DYNC2I2: variants seen among roughly 807,000 people sequenced by gnomAD.
DYNC2I2 encodes the protein cytoplasmic dynein 2 intermediate chain 2.
In DYNC2I2, 39 loss-of-function variants were observed where a neutral mutation model predicts 52.0. The observed-to-expected ratio is 0.75, with a 90% confidence interval of 0.58 to 0.98. The LOEUF (loss-of-function observed/expected upper bound fraction) is 0.98. Ranked by LOEUF, DYNC2I2 falls within the 50% of genes least tolerant of loss-of-function variation. DYNC2I2 has a pLI of 0.00. For missense variants in DYNC2I2, 743 were observed against 728.4 expected (o/e 1.02, Z -0.23); for synonymous variants, 359 against 321.1 (o/e 1.12, Z -1.26).
Position 128,635,256 on chromosome 9 carries a change from C to T in DYNC2I2, c.817G>A (p.Val273Met). The change falls in exon 6 of 9, where the codon GTG becomes ATG. Residue 273 changes from valine to methionine, a missense_variant. By Grantham distance (21) the Val-to-Met change is conservative. Transcript: ENST00000372715. ...CTGTGCCCAGGCTCGGGCAGCCACA[C>T]CACCTGAGTTAACAGCATGCAGGGC... ...DTHTDPVSQV[V>M]WLPEPGHSHR... 1 of 1,612,618 alleles carries T rather than the reference C, an allele frequency of 6.2e-7. No homozygotes were observed.
intron 2 of DYNC2I2, among the ~76,000 whole-genome samples, chr9:128,637,431 TGTG>T (rs1860437207): frequency 6.6e-6 from 1 of 152,138 alleles, no homozygotes; most frequent in African/African-American, 2.4e-5. Flanking sequence ...TTTTGTTGTT[TGTG>T]GTGGTTAGTT....
At chr9:128,653,541 C>T (rs2132181884) in intron 1 of DYNC2I2, among the ~76,000 whole-genome samples, 1 of 147,968 alleles carries the variant, frequency 6.8e-6, no homozygotes, top group Non-Finnish European at 1.5e-5. Context: ...AGAGAAACCC[C>T]ACCTCTACTA....
chr9:128,682,232 T>A, the DYNC2I2 span, among the ~76,000 whole-genome samples: 1 of 151,862 alleles, frequency 6.6e-6, no homozygotes, highest in Non-Finnish European at 1.5e-5. Flanking sequence ...GTATTTTTAG[T>A]AGAGGTGGGG....
the DYNC2I2 span, among the ~76,000 whole-genome samples, chr9:128,667,545 C>CTCCTG: frequency 1.3e-5 from 2 of 149,650 alleles, no homozygotes; most frequent in African/African-American, 4.9e-5. Flanking sequence ...AGGCTGGTCT[C>CTCCTG]ACCTTGTGAT....
At chr9:128,673,988 A>C in the DYNC2I2 span, among the ~76,000 whole-genome samples, 10 of 146,406 alleles carry the variant, frequency 6.8e-5, 1 homozygote, top group East Asian at 2.1e-3. Context: ...TTGTATTTTG[A>C]GTAGAGACTG....
At position 128,644,037 on chromosome 9, in the gene DYNC2I2, G is replaced by A. The variant is rs553553401; in HGVS notation, c.187-3098C>T. Among the ~76,000 whole-genome samples, 32 of 152,298 alleles carry A rather than the reference G, an allele frequency of 2.1e-4. No individual in the cohort carries two copies. In the South Asian group the frequency reaches 6.4e-3, roughly 31 times the overall value. ...TGCATGTGCCGAGCCAAGATGCAAG[G>A]GGACTAAGGCAGAATCTCAAACTCC... On this transcript the variant is annotated intron_variant, in intron 1 of 8. Transcript: ENST00000372715.
In DYNC2I2 at chr9:128,650,450, C is replaced by A. The variant is rs533789466; in HGVS notation, c.186+6091G>T. Among the ~76,000 whole-genome samples, 6 of 52,796 alleles carry A rather than the reference C, an allele frequency of 1.1e-4. 2 individuals are homozygous for A. Among genetic ancestry groups the A allele is most frequent in the Non-Finnish European group, 3.0e-4 (4 of 13,230 alleles). 34.6% of individuals were successfully genotyped at this position (52,796 alleles called of 152,430 possible). A position where few individuals can be genotyped will look rare whatever the true frequency, so the allele number is the denominator to read the frequency against. ...AGGATCTGCACCCTCAAACTCAGAT[C>A]GAAAATTAAGGTCCAGGACACTGTC... On this transcript the variant is annotated intron_variant, in intron 1 of 8. Coordinates refer to ENST00000372715, the MANE Select transcript of DYNC2I2 (RefSeq NM_052844.4).
chr9:128,649,486 C>T (rs866731496), intron 1 of DYNC2I2, among the ~76,000 whole-genome samples: 17 of 150,948 alleles, frequency 1.1e-4, no homozygotes, highest in Admixed American at 2.0e-4. Flanking sequence ...GTCAGGAGTT[C>T]GAGACCAGCC....
the DYNC2I2 span, among the ~76,000 whole-genome samples, chr9:128,677,765 G>A: frequency 4.6e-5 from 7 of 152,028 alleles, 1 homozygote; most frequent in African/African-American, 9.6e-5. Context: ...CCAAGATCGC[G>A]CCACTGCACT....
the DYNC2I2 span, among the ~76,000 whole-genome samples, chr9:128,675,790 C>T: frequency 6.6e-6 from 1 of 152,120 alleles, no homozygotes; most frequent in Non-Finnish European, 1.5e-5. Flanking sequence ...TTTTGCTTTG[C>T]CCCCAGCTGC....
At chr9:128,634,190 C>T (rs768252295) in intron 8 of DYNC2I2, 36 bp downstream of exon 8, 2 of 1,611,888 alleles carry the variant, frequency 1.2e-6, no homozygotes, top group East Asian at 2.2e-5. Flanking sequence ...ACCACCCACC[C>T]CTTAAACAGA....
upstream of DYNC2I2, among the ~76,000 whole-genome samples, chr9:128,658,273 C>T (rs1017670473): frequency 2.0e-5 from 3 of 151,382 alleles, no homozygotes; most frequent in Non-Finnish European, 4.4e-5. Context: ...TCAAGCGATT[C>T]TCATGCCTCA....
At chr9:128,634,124 AC>A (rs1377229351) in intron 8 of DYNC2I2, 101 bp downstream of exon 8, 10 of 1,569,750 alleles carry the variant, frequency 6.4e-6, no homozygotes, top group African/African-American at 1.4e-5. Flanking sequence ...AGCCGTCCTT[AC>A]CCCCATGTGT....
chr9:128,667,612 C>G, the DYNC2I2 span, among the ~76,000 whole-genome samples: 2 of 151,916 alleles, frequency 1.3e-5, no homozygotes, highest in African/African-American at 4.8e-5. Flanking sequence ...GCTCTGACAC[C>G]AGGCTGGAGT....
Position 128,634,214 on chromosome 9 carries a change from GC to G in DYNC2I2, c.1372+11del, listed in dbSNP as rs767264298. 6.2e-7 allele frequency: 1 copy of G among 1,610,214 alleles called. No homozygotes were observed. Among genetic ancestry groups the G allele is most frequent in the East Asian group, 2.2e-5 (1 of 44,890 alleles). On this transcript the variant is annotated intron_variant, in intron 8 of 8. Coordinates refer to ENST00000372715, the MANE Select transcript of DYNC2I2 (RefSeq NM_052844.4). ...CCCTTAAACAGATCCAGGCCTAGCG[GC>G]CCCTTCCTACCTTTCCCAGAGGCAG... is the stretch of plus-strand genomic sequence containing the variant.
chr9:128,647,357 G>C (rs183431362), intron 1 of DYNC2I2, among the ~76,000 whole-genome samples: 46 of 152,216 alleles, frequency 3.0e-4, no homozygotes, highest in Non-Finnish European at 1.5e-5. Flanking sequence ...ATGGGGCATG[G>C]GAGTCAGGAT....
the DYNC2I2 span, among the ~76,000 whole-genome samples, chr9:128,668,150 G>T: frequency 1.3e-5 from 2 of 151,702 alleles, no homozygotes; most frequent in African/African-American, 4.8e-5. Context: ...TAATAGAGAC[G>T]GGGTTTCATC....
At chr9:128,680,537 T>C in the DYNC2I2 span, among the ~76,000 whole-genome samples, 522 of 145,532 alleles carry the variant, frequency 3.6e-3, 1 homozygote, top group Non-Finnish European at 6.4e-3. Context: ...GCCACCATGC[T>C]CGGCTAATTT....
At chr9:128,634,561 C>T in intron 7 of DYNC2I2, 128 bp downstream of exon 7, 5 of 1,293,786 alleles carry the variant, frequency 3.9e-6, no homozygotes, top group Non-Finnish European at 5.2e-6. Context: ...CACCAAAGAC[C>T]TGAACACGGG....
Sources: allele counts gnomAD v4.1 joint callset (sites outside exome capture counted in the v4.1 genomes callset), GRCh38; gene constraint gnomAD v4.1.1; transcripts MANE v1.5; gene names NCBI Gene and HGNC (gene_info 2026-07-23, HGNC 2026-07-21).